SLC25A29: variants seen among roughly 807,000 people sequenced by gnomAD.
The protein encoded by SLC25A29 is mitochondrial basic amino acids transporter.
Under a neutral mutation model 10.0 loss-of-function variants are expected in SLC25A29, and 13 were observed. The ratio of observed to expected loss-of-function variants is 1.30; its 90% CI spans 0.85 to 2.07. The LOEUF (loss-of-function observed/expected upper bound fraction) is 2.07, where lower values mean the gene tolerates loss of function less well. Ranked by LOEUF, SLC25A29 falls within the 30% of genes most tolerant of loss-of-function variation. SLC25A29 has a pLI of 0.00. For synonymous variants in SLC25A29, 244 were observed against 221.1 expected, an observed-to-expected ratio of 1.10 and a Z score of -0.92; for missense variants, 475 against 447.6, an observed-to-expected ratio of 1.06 and a Z score of -0.55.
In SLC25A29 at chr14:100,292,504, T is replaced by C. The variant is rs374859663; in HGVS notation, c.691A>G (p.Ile231Val). 2.8e-4 allele frequency: 438 copies of C among 1,588,562 alleles called. 4 individuals carry two copies. Among genetic ancestry groups the C allele is most frequent in the Non-Finnish European group, 1.1e-4 (134 of 1,169,336 alleles). The change falls in exon 4 of 4, where the codon ATC (isoleucine) becomes GTC (valine). Residue 231 changes from isoleucine (I) to valine (V), a missense_variant. By Grantham distance (29) the Ile-to-Val change is conservative. Coordinates refer to ENST00000359232, the MANE Select transcript of SLC25A29 (RefSeq NM_001039355.3). ...TAGCTCTGGTGCACGCAGTCCAGGATGCCGCGGTAGCGCGGGGCGCCCCGC... is the reference window on the plus strand; with the variant it reads ...TAGCTCTGGTGCACGCAGTCCAGGACGCCGCGGTAGCGCGGGGCGCCCCGC... Reference protein sequence around the residue: ...GLRGAPRYRGILDCVHQSYRA... With the variant: ...GLRGAPRYRGVLDCVHQSYRA...
chr14:100,299,717 A>G (rs1358418772), intron 1 of SLC25A29: 13 of 985,020 alleles, frequency 1.3e-5, no homozygotes, highest in Non-Finnish European at 1.4e-5. Flanking sequence ...CCCATTTCAC[A>G]GGAGAAACAG....
At chr14:100,284,580 C>T in the SLC25A29 span, among the ~76,000 whole-genome samples, 1 of 152,178 alleles carries the variant, frequency 6.6e-6, no homozygotes, top group African/African-American at 2.4e-5. Flanking sequence ...TTGTCCTGTC[C>T]CTCCCCTCCC....
downstream of SLC25A29, among the ~76,000 whole-genome samples, chr14:100,290,259 G>A (rs1373890285): frequency 6.6e-6 from 1 of 152,268 alleles, no homozygotes; most frequent in African/African-American, 2.4e-5. Context: ...CAAAGGGGCT[G>A]CCAAAGCTGG....
intron 2 of SLC25A29, 148 bp from the exon 3 acceptor site, chr14:100,293,525 G>T: frequency 4.6e-6 from 3 of 646,174 alleles, no homozygotes; most frequent in Non-Finnish European, 8.1e-6. Context: ...AGGGCAGGGT[G>T]GGCCGGGTAT....
the SLC25A29 span, among the ~76,000 whole-genome samples, chr14:100,285,814 C>A: frequency 3.9e-5 from 6 of 152,128 alleles, no homozygotes; most frequent in South Asian, 2.1e-4. Context: ...GGACGCCCCC[C>A]CTTCCCCCCG....
chr14:100,295,494 G>A, intron 2 of SLC25A29: 1 of 1,071,800 alleles, frequency 9.3e-7, no homozygotes, highest in Non-Finnish European at 1.2e-6. Flanking sequence ...CCCCACCCCA[G>A]GACCTGTGCT....
Position 100,298,890 on chromosome 14 carries a change from A to G in SLC25A29, c.35-5T>C. 6.2e-7 allele frequency: 1 copy of G among 1,614,158 alleles called. No homozygotes were observed. Among genetic ancestry groups the G allele is most frequent in the Non-Finnish European group, 8.5e-7 (1 of 1,179,992 alleles). ...CCACAAGCACGCCTGCCACACCTGG[A>G]GGAGGAGAGGGGGACTTGTGACCCA... On this transcript the variant is annotated splice_region_variant and splice_polypyrimidine_tract_variant and intron_variant, in intron 1 of 3. Transcript: ENST00000359232.
chr14:100,297,059 G>T (rs1474508347), intron 2 of SLC25A29, among the ~76,000 whole-genome samples: 1 of 152,008 alleles, frequency 6.6e-6, no homozygotes, highest in Non-Finnish European at 1.5e-5. Context: ...GTAAGCCAAG[G>T]TCGCGCCACT....
At chr14:100,284,505 C>T in the SLC25A29 span, among the ~76,000 whole-genome samples, 9 of 152,290 alleles carry the variant, frequency 5.9e-5, no homozygotes, top group East Asian at 1.4e-3. Context: ...AATCCAGTCC[C>T]GCCGACCCTC....
At position 100,292,942 on chromosome 14, in the gene SLC25A29, G is replaced by C; in HGVS notation, c.253C>G (p.Arg85Gly). 1 of 1,606,292 alleles carries C rather than the reference G, an allele frequency of 6.2e-7. No individual in the cohort carries two copies. Among genetic ancestry groups the C allele is most frequent in the Non-Finnish European group, 8.5e-7 (1 of 1,177,364 alleles). ...AGGGGCGAGTCGTGGCCCAGGGCCC[G>C]GAGGGTGTTGCCCTGCACCCCGAAC... ...LVFGVQGNTLRALGHDSPLNQ... is the reference protein window; with the variant it reads ...LVFGVQGNTLGALGHDSPLNQ... The change falls in exon 4 of 4, where the codon CGG becomes GGG. Residue 85 changes from arginine to glycine, a missense_variant. Physicochemically the swap from Arg to Gly is moderately radical, Grantham distance 125. Coordinates refer to ENST00000359232, the MANE Select transcript of SLC25A29 (RefSeq NM_001039355.3).
At chr14:100,281,268 C>T in the SLC25A29 span, 1 of 151,728 alleles carries the variant, frequency 6.6e-6, no homozygotes, top group Non-Finnish European at 1.5e-5. Flanking sequence ...GACATCTGAC[C>T]CCCAGCAAGA....
At chr14:100,285,381 GGCCCCCACCCGCAGGGTGCGCCGCC>G in the SLC25A29 span, among the ~76,000 whole-genome samples, 1 of 151,320 alleles carries the variant, frequency 6.6e-6, no homozygotes, top group Non-Finnish European at 1.5e-5. Flanking sequence ...CCTGCGCCTG[GGCCCCCACCCGCAGGGTGCGCCGCC>G]GCCGCCGGCC....
At position 100,292,375 on chromosome 14, in the gene SLC25A29, T is replaced by G; in HGVS notation, c.820A>C (p.Thr274Pro). The part of the protein sequence containing the change: ...ATFATVTVVL[T>P]YARGEEAGPE... The stretch of plus-strand genomic sequence containing the variant: ...CCGGCCTCCTCGCCGCGCGCGTAGG[T>G]GAGCACCACCGTGACGGTGGCGAAG... Residue 274 changes from threonine to proline, a missense_variant, in exon 4 of 4, where the codon ACC (threonine) becomes CCC (proline). By Grantham distance (38) the Thr-to-Pro change is conservative. Coordinates refer to ENST00000359232, the MANE Select transcript of SLC25A29 (RefSeq NM_001039355.3). 6.5e-7 allele frequency: 1 copy of G among 1,547,984 alleles called. No individual in the cohort carries two copies. Among genetic ancestry groups the G allele is most frequent in the Non-Finnish European group, 8.7e-7 (1 of 1,150,628 alleles).
chr14:100,297,703 G>A (rs973860554), intron 2 of SLC25A29, among the ~76,000 whole-genome samples: 4 of 152,342 alleles, frequency 2.6e-5, no homozygotes, highest in Admixed American at 1.3e-4. Context: ...ACGTGGGGCC[G>A]CTGCCTGCCA....
At chr14:100,302,085 G>A (rs991607739) in intron 1 of SLC25A29, among the ~76,000 whole-genome samples, 14 of 149,206 alleles carry the variant, frequency 9.4e-5, no homozygotes, top group African/African-American at 2.7e-4. Context: ...TCACTCTGTC[G>A]CCCAGGCTGG....
chr14:100,291,952 A>G lies in SLC25A29; in HGVS notation c.*331T>C. 2.8e-6 allele frequency: 1 copy of G among 360,772 alleles called. No homozygotes were observed. The highest frequency in any genetic ancestry group is 5.1e-6 in the Non-Finnish European group (1 of 194,876). 22.3% of individuals were successfully genotyped at this position (360,772 alleles called of 1,614,324 possible). ...GCAGGAGCACAATGACGTGGCCAGG[A>G]TCCCAGAAAGGGGCTGGAGTGTCTG... On this transcript the variant is annotated 3_prime_UTR_variant, in exon 4 of 4. Transcript: ENST00000359232.
At position 100,292,279 on chromosome 14, in the gene SLC25A29, A is replaced by G; in HGVS notation, c.*4T>C. ...AGCCCTGGGGAAGGAGGGCGGGGTG[A>G]GCGTCACAGGCTGGAGGGCTGCGCC... On this transcript the variant is annotated 3_prime_UTR_variant, in exon 4 of 4. Transcript: ENST00000359232. The G allele has an allele frequency of 1.3e-6, 2 of 1,534,102 alleles. No individual in the cohort carries two copies. The highest frequency in any genetic ancestry group is 1.8e-6 in the Non-Finnish European group (2 of 1,141,430).
chr14:100,297,236 C>G (rs78952372), intron 2 of SLC25A29, among the ~76,000 whole-genome samples: 1,759 of 152,334 alleles, frequency 0.012, 20 homozygotes, highest in Non-Finnish European at 0.018. Context: ...GACCACCCTC[C>G]AGACGCCAGT....
intron 2 of SLC25A29, among the ~76,000 whole-genome samples, chr14:100,297,305 C>T (rs577605441): frequency 6.6e-6 from 1 of 152,216 alleles, no homozygotes; most frequent in Non-Finnish European, 1.5e-5. Context: ...CCCTGAGTCA[C>T]TTCAGGGGTG....
Sources: allele counts gnomAD v4.1 joint callset (sites outside exome capture counted in the v4.1 genomes callset), GRCh38; gene constraint gnomAD v4.1.1; transcripts MANE v1.5; gene names NCBI Gene and HGNC (gene_info 2026-07-23, HGNC 2026-07-21).